The following ZNF469 variants were observed in gnomAD, a reference collection of about 807,000 sequenced individuals.
ZNF469 encodes the protein zinc finger protein 469.
In ZNF469, 1 loss-of-function variant was observed where a neutral mutation model predicts 1.0. The ratio of observed to expected loss-of-function variants is 1.00; its 90% CI spans 0.35 to 4.73. The LOEUF (loss-of-function observed/expected upper bound fraction) is 4.73. Among genes scored for constraint, ZNF469 ranks in the 30% most tolerant of loss-of-function variants. The pLI, the probability that ZNF469 is intolerant of heterozygous loss-of-function variation, is 0.16. For synonymous variants in ZNF469, 2,703 were observed against 2,363.4 expected, an observed-to-expected ratio of 1.14 and a Z score of -4.17; for missense variants, 6,100 against 5,356.3, an observed-to-expected ratio of 1.14 and a Z score of -4.33.
chr16:88,253,486 G>A, the ZNF469 span, among the ~76,000 whole-genome samples: 17 of 150,902 alleles, frequency 1.1e-4, no homozygotes, highest in Non-Finnish European at 2.2e-4. Flanking sequence ...GGGACCATTT[G>A]TGGATTTTCT....
chr16:88,182,391 T>C, the ZNF469 span, among the ~76,000 whole-genome samples: 7 of 152,114 alleles, frequency 4.6e-5, no homozygotes, highest in Non-Finnish European at 8.8e-5. Flanking sequence ...TCTAAACTTA[T>C]ATGAAAATTA....
the ZNF469 span, among the ~76,000 whole-genome samples, chr16:88,149,758 C>T: frequency 1.2e-4 from 18 of 152,212 alleles, no homozygotes; most frequent in African/African-American, 4.1e-4. Context: ...ACCCCTGACA[C>T]GTGCTGGGCA....
the ZNF469 span, among the ~76,000 whole-genome samples, chr16:88,375,443 A>G: frequency 1.3e-5 from 2 of 152,240 alleles, no homozygotes; most frequent in Non-Finnish European, 2.9e-5. Flanking sequence ...GTGAGTTACC[A>G]GAACGAAATA....
rs1011872909 is a variant in ZNF469, at chr16:88,428,680, A to C, written c.1210A>C (p.Arg404=). The change falls in exon 3 of 3, where the codon AGG becomes CGG. Residue 404 remains arginine, a synonymous_variant. Transcript: ENST00000565624. ...AGGGCCCCCTAGCTCCCTACCCCAG[A>C]GGCACTTTCCAGGGCAGGCGTACAG... ...TRGPPSSLPQ[R]HFPGQAYRAS... The C allele has an allele frequency of 1.3e-6, 2 of 1,549,628 alleles. No individual in the cohort carries two copies. The highest frequency in any genetic ancestry group is 2.7e-5 in the African/African-American group (2 of 72,980).
upstream of ZNF469, among the ~76,000 whole-genome samples, chr16:88,379,171 G>T (rs2092515325): frequency 6.6e-6 from 1 of 152,148 alleles, no homozygotes; most frequent in Non-Finnish European, 1.5e-5. Context: ...CGTCTACTGG[G>T]ACCCAGGAAA....
upstream of ZNF469, among the ~76,000 whole-genome samples, chr16:88,380,129 ACACAGACACACACT>A (rs1004297685): frequency 9.1e-6 from 1 of 110,428 alleles, no homozygotes; most frequent in African/African-American, 7.1e-5. Context: ...ACAAACACAC[ACACAGACACACACT>A]CACACACAAA....
In ZNF469 at chr16:88,432,002, T is replaced by A. The variant is rs1482530393; in HGVS notation, c.4532T>A (p.Leu1511Gln). ...FLLLEEVSPM[L>Q]PSHFPDLSGG... ...CTGCTTGAGGAAGTATCCCCGATGC[T>A]GCCTAGCCATTTTCCTGATCTCTCG... is the stretch of plus-strand genomic sequence containing the variant. The change falls in exon 3 of 3, where the codon CTG (leucine) becomes CAG (glutamine). Residue 1511 changes from leucine (L) to glutamine (Q), a missense_variant. Physicochemically the swap from Leu to Gln is moderately radical, Grantham distance 113. Transcript: ENST00000565624. The A allele has an allele frequency of 1.3e-6, 2 of 1,549,126 alleles. No individual in the cohort carries two copies. Among genetic ancestry groups the A allele is most frequent in the African/African-American group, 2.8e-5 (2 of 72,262 alleles).
the ZNF469 span, among the ~76,000 whole-genome samples, chr16:88,245,837 G>A: frequency 6.6e-6 from 1 of 152,390 alleles, no homozygotes; most frequent in South Asian, 2.1e-4. Context: ...GATGACTGAA[G>A]TCCAGACATT....
the ZNF469 span, among the ~76,000 whole-genome samples, chr16:88,300,127 A>G: frequency 6.6e-6 from 1 of 152,202 alleles, no homozygotes; most frequent in South Asian, 2.1e-4. Context: ...GGGAAAAGGA[A>G]ACTGGAATTT....
chr16:88,360,723 AGCGCCC>A, the ZNF469 span, among the ~76,000 whole-genome samples: 1 of 128,396 alleles, frequency 7.8e-6, no homozygotes, highest in African/African-American at 3.1e-5. Context: ...ACCCCCAGAC[AGCGCCC>A]GCATGCTCCC....
chr16:88,437,886 C>A lies in ZNF469; in HGVS notation c.10416C>A (p.Ser3472Arg). ...GGGCCCTCGAGGGCACACTGCCCAG[C>A]AAACGGCGCAGGGTGGCCATGCCCG... ...KARALEGTLP[S>R]KRRRVAMPGS... Residue 3472 changes from serine (S) to arginine (R), a missense_variant, in exon 3 of 3, where the codon AGC becomes AGA. Coordinates refer to ENST00000565624, the MANE Select transcript of ZNF469 (RefSeq NM_001367624.2). The A allele has an allele frequency of 6.5e-7, 1 of 1,540,118 alleles. No homozygotes were observed. The highest frequency in any genetic ancestry group is 1.2e-5 in the South Asian group (1 of 83,764).
Position 88,429,691 on chromosome 16 carries a change from A to C in ZNF469, c.2221A>C (p.Ser741Arg). 1 of 1,542,928 alleles carries C rather than the reference A, an allele frequency of 6.5e-7. No homozygotes were observed. The highest frequency in any genetic ancestry group is 8.8e-7 in the Non-Finnish European group (1 of 1,142,142). ...LTCRQCDRNYSSLAAFLAHRQ... is the reference protein window; with the variant it reads ...LTCRQCDRNYRSLAAFLAHRQ... ...CTGCAGGCAGTGTGACCGCAACTACAGCAGCCTGGCGGCCTTCCTGGCCCA... is the reference window on the plus strand; with the variant it reads ...CTGCAGGCAGTGTGACCGCAACTACCGCAGCCTGGCGGCCTTCCTGGCCCA... Residue 741 changes from serine (S) to arginine (R), a missense_variant, in exon 3 of 3, where the codon AGC becomes CGC. Ser to Arg is a moderately radical substitution (Grantham distance 110). Transcript: ENST00000565624.
chr16:88,287,428 A>T, the ZNF469 span, among the ~76,000 whole-genome samples: 2 of 152,242 alleles, frequency 1.3e-5, no homozygotes, highest in Non-Finnish European at 2.9e-5. Context: ...GAGCCCAGCC[A>T]CCTCCAAAAG....
chr16:88,286,582 T>C, the ZNF469 span, among the ~76,000 whole-genome samples: 1 of 152,366 alleles, frequency 6.6e-6, no homozygotes, highest in African/African-American at 2.4e-5. Flanking sequence ...CTGCCAGGGC[T>C]TTGTCAGTGC....
the ZNF469 span, among the ~76,000 whole-genome samples, chr16:88,351,701 C>T: frequency 0.026 from 3,935 of 152,196 alleles, 70 homozygotes; most frequent in Middle Eastern, 0.061. Context: ...CCACCCCCAC[C>T]GCCGGCAGCA....
Position 88,433,463 on chromosome 16 carries a change from C to G in ZNF469, c.5993C>G (p.Ala1998Gly). The G allele has an allele frequency of 6.4e-7, 1 of 1,550,390 alleles. No homozygotes were observed. The highest frequency in any genetic ancestry group is 8.7e-7 in the Non-Finnish European group (1 of 1,146,960). Residue 1998 changes from alanine (A) to glycine (G), a missense_variant, in exon 3 of 3, where the codon GCC becomes GGC. Coordinates refer to ENST00000565624, the MANE Select transcript of ZNF469 (RefSeq NM_001367624.2). The stretch of plus-strand genomic sequence containing the variant: ...GAGAAAACCCAGGGCCAAGGCACAG[C>G]CAACCAGCTTCAGCCAGAGAACGGG... ...QAEKTQGQGT[A>G]NQLQPENGVS...
chr16:88,186,951 C>G, the ZNF469 span, among the ~76,000 whole-genome samples: 5 of 152,038 alleles, frequency 3.3e-5, no homozygotes, highest in Admixed American at 3.3e-4. Context: ...CACACCCTGC[C>G]CCCCACTGCA....
At chr16:88,192,706 G>GTGATAATGGTGGTGATGGTGT in the ZNF469 span, among the ~76,000 whole-genome samples, 8 of 150,898 alleles carry the variant, frequency 5.3e-5, no homozygotes, top group South Asian at 2.1e-4. Flanking sequence ...GGTGATAAAG[G>GTGATAATGGTGGTGATGGTGT]TGATAATGGT....
chr16:88,213,628 G>A, the ZNF469 span, among the ~76,000 whole-genome samples: 1 of 152,130 alleles, frequency 6.6e-6, no homozygotes, highest in East Asian at 1.9e-4. Context: ...TCATCACGAT[G>A]CCATTTCCAA....
Sources: allele counts gnomAD v4.1 joint callset (sites outside exome capture counted in the v4.1 genomes callset), GRCh38; gene constraint gnomAD v4.1.1; transcripts MANE v1.5; gene names NCBI Gene and HGNC (gene_info 2026-07-23, HGNC 2026-07-21).